Variants in TLL1 observed in about 807,000 individuals in gnomAD.
TLL1 encodes the protein tolloid-like protein 1.
In TLL1, 49 loss-of-function variants were observed where a neutral mutation model predicts 128.2. The observed-to-expected ratio is 0.38, with a 90% CI of 0.30 to 0.48. The LOEUF is 0.48. TLL1 is among the 20% of genes least tolerant of loss of function. The pLI is 0.96. For missense variants in TLL1, 1,123 were observed against 1,242.0 expected (o/e 0.90, Z 1.44); for synonymous variants, 454 against 418.8 (o/e 1.08, Z -1.03).
At chr4:166,047,118 G>T (rs1305999121) in intron 12 of TLL1, among the ~76,000 whole-genome samples, 4 of 151,920 alleles carry the variant, frequency 2.6e-5, no homozygotes, top group African/African-American at 4.8e-5. Flanking sequence ...TTTATTCACT[G>T]ATTCTAGTCT....
chr4:165,910,579 A>G (rs1428484857), intron 1 of TLL1, among the ~76,000 whole-genome samples: 1 of 152,146 alleles, frequency 6.6e-6, no homozygotes, highest in African/African-American at 2.4e-5. Context: ...ACACATTTCA[A>G]GATGTGGGGC....
intron 1 of TLL1, among the ~76,000 whole-genome samples, chr4:165,935,344 T>C (rs1211668029): frequency 6.6e-6 from 1 of 152,222 alleles, no homozygotes; most frequent in East Asian, 1.9e-4. Context: ...TGGGAAGTTA[T>C]GCTGAAAGAG....
At position 165,873,349 on chromosome 4, in the gene TLL1, C is replaced by G. The variant is rs1302654644; in HGVS notation, c.-556C>G. ...CGTAGAAATGCCTGGCCCCCACCCC[C>G]TTCCTCGGTCTCCCCTTTCAATTCA... On this transcript the variant is annotated 5_prime_UTR_variant, in exon 1 of 21. Transcript: ENST00000061240. 1 of 153,700 alleles carries G rather than the reference C, an allele frequency of 6.5e-6. No individual in the cohort carries two copies. Among genetic ancestry groups the G allele is most frequent in the African/African-American group, 2.4e-5 (1 of 41,470 alleles). The allele number at this position is 153,700 out of a possible 1,614,324, so 9.5% of individuals were successfully genotyped here.
intron 1 of TLL1, among the ~76,000 whole-genome samples, chr4:165,933,169 A>G (rs1561037341): frequency 6.6e-6 from 1 of 152,146 alleles, no homozygotes; most frequent in Non-Finnish European, 1.5e-5. Context: ...GCATCAAGTT[A>G]TCTCTGCCTC....
chr4:166,070,272 C>T (rs898349135), intron 16 of TLL1, among the ~76,000 whole-genome samples: 7 of 151,844 alleles, frequency 4.6e-5, no homozygotes, highest in African/African-American at 1.7e-4. Flanking sequence ...GTATTCCACT[C>T]AGAAGAGTTT....
chr4:166,081,741 A>T (rs76761259), intron 18 of TLL1, among the ~76,000 whole-genome samples: 1 of 146,340 alleles, frequency 6.8e-6, no homozygotes, highest in African/African-American at 2.5e-5. Flanking sequence ...CAAAGTTGTT[A>T]TTTTTTTTTT....
intron 1 of TLL1, among the ~76,000 whole-genome samples, chr4:165,942,564 A>T (rs1734067170): frequency 6.6e-6 from 1 of 150,950 alleles, no homozygotes; most frequent in Admixed American, 6.6e-5. Context: ...TAGGGAAGTA[A>T]TTGAGAGCAG....
In TLL1 at chr4:166,080,228, G is replaced by A. The variant is rs1741225148; in HGVS notation, c.2442+2198G>A. Among the ~76,000 whole-genome samples the A allele has an allele frequency of 2.6e-5, 4 of 152,212 alleles. No individual in the cohort carries two copies. In the South Asian group the frequency reaches 8.3e-4, roughly 32 times the overall value. Reference sequence around the variant, plus strand: ...TTTTCTTTGTGTATTCATAGAGAGAGACAGAGCTCCAGTGTCTCTTACTCT... The same window carrying A: ...TTTTCTTTGTGTATTCATAGAGAGAAACAGAGCTCCAGTGTCTCTTACTCT... On this transcript the variant is annotated intron_variant, in intron 18 of 20. Transcript: ENST00000061240.
At chr4:165,996,706 A>G (rs1736897788) in intron 5 of TLL1, among the ~76,000 whole-genome samples, 1 of 152,112 alleles carries the variant, frequency 6.6e-6, no homozygotes, top group Non-Finnish European at 1.5e-5. Context: ...ACGTTAGAAG[A>G]TTGTGAGACT....
rs1442045012 is a variant in TLL1 at position 166,083,602 on chromosome 4, A to G, written c.2442+5572A>G. On this transcript the variant is annotated intron_variant, in intron 18 of 20. Transcript: ENST00000061240. Reference sequence around the variant, plus strand: ...TCAACTCTCTGCTTCTTTAAGTTTGATCATTTTAGATTCCACATGTAAGTG... The same window carrying G: ...TCAACTCTCTGCTTCTTTAAGTTTGGTCATTTTAGATTCCACATGTAAGTG... Among the ~76,000 whole-genome samples, 2 of 122,612 alleles carry G rather than the reference A, an allele frequency of 1.6e-5. 1 individual carries two copies. The highest frequency in any genetic ancestry group is 3.8e-5 in the Non-Finnish European group (2 of 52,032). The allele number at this position is 122,612 out of a possible 152,430, so 80.4% of individuals were successfully genotyped here.
intron 1 of TLL1, among the ~76,000 whole-genome samples, chr4:165,956,842 G>A (rs1203851168): frequency 6.6e-6 from 1 of 151,970 alleles, no homozygotes; most frequent in Non-Finnish European, 1.5e-5. Context: ...CCTCTGCTGT[G>A]GCTCCAGCCG....
At chr4:165,913,778 C>T (rs1048142583) in intron 1 of TLL1, among the ~76,000 whole-genome samples, 1 of 152,148 alleles carries the variant, frequency 6.6e-6, no homozygotes, top group Non-Finnish European at 1.5e-5. Flanking sequence ...CTTTGGGAGG[C>T]TAACACAGGT....
chr4:165,904,959 G>T (rs1465003672), intron 1 of TLL1, among the ~76,000 whole-genome samples: 1 of 152,164 alleles, frequency 6.6e-6, no homozygotes, highest in Admixed American at 6.5e-5. Context: ...GCCACAGTGA[G>T]ATACTTCTTT....
intron 1 of TLL1, among the ~76,000 whole-genome samples, chr4:165,962,848 G>A (rs987098001): frequency 2.6e-5 from 4 of 151,956 alleles, no homozygotes; most frequent in Admixed American, 6.6e-5. Flanking sequence ...TTGAGGTCAG[G>A]AGTTTGAGAC....
At chr4:165,929,455 C>T (rs527960498) in intron 1 of TLL1, among the ~76,000 whole-genome samples, 1 of 151,690 alleles carries the variant, frequency 6.6e-6, no homozygotes, top group Non-Finnish European at 1.5e-5. Context: ...AGGAGAACCG[C>T]TTGACCCCAG....
intron 19 of TLL1, among the ~76,000 whole-genome samples, chr4:166,093,649 G>A (rs938726955): frequency 1.3e-5 from 2 of 152,134 alleles, no homozygotes; most frequent in Admixed American, 6.5e-5. Context: ...CTTTACAGGT[G>A]TCGGGCTGGG....
intron 14 of TLL1, 94 bp downstream of exon 14, chr4:166,057,403 T>A (rs1740073921): frequency 6.5e-7 from 1 of 1,536,450 alleles, no homozygotes; most frequent in Non-Finnish European, 8.8e-7. Context: ...CTTTCCCTTT[T>A]TCCTATAGTG....
intron 1 of TLL1, among the ~76,000 whole-genome samples, chr4:165,939,484 G>A (rs1367475367): frequency 6.6e-6 from 1 of 151,802 alleles, no homozygotes; most frequent in Non-Finnish European, 1.5e-5. Context: ...ATCTGAATAG[G>A]GTAAAATCTG....
In TLL1 at chr4:166,036,074, G is replaced by A. The variant is rs146767995; in HGVS notation, c.1159-3265G>A. On this transcript the variant is annotated intron_variant, in intron 9 of 20. Coordinates refer to ENST00000061240, the MANE Select transcript of TLL1 (RefSeq NM_012464.5). The stretch of plus-strand genomic sequence containing the variant: ...ACATTCTGTATCTTCAGCCTTATAA[G>A]GTATGGTGCAAGTATTACGCTAATT... Among the ~76,000 whole-genome samples, 6 of 152,238 alleles carry A rather than the reference G, an allele frequency of 3.9e-5. No individual in the cohort carries two copies. In the East Asian group the frequency reaches 1.2e-3, roughly 29 times the overall value.
Sources: gnomAD v4.1 joint callset for allele counts (sites outside exome capture counted in the v4.1 genomes callset) on GRCh38, gnomAD v4.1.1 for gene constraint, MANE v1.5 for transcripts, NCBI Gene and HGNC (gene_info 2026-07-23, HGNC 2026-07-21) for gene names.